Variants in TMEM52B observed in about 807,000 individuals in gnomAD.
The protein encoded by TMEM52B is transmembrane protein 52B.
A neutral mutation model predicts 16.1 loss-of-function variants in TMEM52B; 11 were observed. The ratio of observed to expected loss-of-function variants is 0.68; its 90% CI spans 0.43 to 1.13. The LOEUF (loss-of-function observed/expected upper bound fraction) is 1.13. Ranked by LOEUF, TMEM52B falls within the 50% of genes most tolerant of loss-of-function variation. TMEM52B has a pLI of 0.00. For missense variants in TMEM52B, 243 were observed against 230.4 expected (o/e 1.05, Z -0.35); for synonymous variants, 101 against 93.8 (o/e 1.08, Z -0.45).
chr12:10,185,925 C>T (rs1421217621), intron 3 of TMEM52B, among the ~76,000 whole-genome samples: 1 of 152,106 alleles, frequency 6.6e-6, no homozygotes, highest in East Asian at 1.9e-4. Context: ...CCTGTAATCC[C>T]AGCTACTCAG....
In TMEM52B at chr12:10,190,242, T is replaced by TTAA; in HGVS notation, c.*102_*103insTAA. 1 of 1,416,200 alleles carries TTAA rather than the reference T, an allele frequency of 7.1e-7. No individual in the cohort carries two copies. The highest frequency in any genetic ancestry group is 9.8e-7 in the Non-Finnish European group (1 of 1,024,394). 87.7% of individuals were successfully genotyped at this position (1,416,200 alleles called of 1,614,324 possible). A position where few individuals can be genotyped will look rare whatever the true frequency, so the allele number is the denominator to read the frequency against. On this transcript the variant is annotated 3_prime_UTR_variant, in exon 5 of 5. Transcript: ENST00000543484. ...CCCTCAGAAGTTTTAAGATGGCATC[T>TTAA]AACACCATCATTCTATGGGAAAGAT...
upstream of TMEM52B, among the ~76,000 whole-genome samples, chr12:10,178,643 AAGAGAGAG>A (rs141826102): frequency 6.7e-6 from 1 of 149,856 alleles, no homozygotes; most frequent in Non-Finnish European, 1.5e-5. Context: ...TCCTTAACCA[AAGAGAGAG>A]AGAGAGAGAG....
intron 2 of TMEM52B, among the ~76,000 whole-genome samples, chr12:10,183,187 G>A (rs2137550025): frequency 6.6e-6 from 1 of 152,242 alleles, no homozygotes; most frequent in South Asian, 2.1e-4. Context: ...GTGGCACTTT[G>A]AATAAAAACG....
rs35611297 is a variant in TMEM52B at position 10,173,520 on chromosome 12, C to T, written c.-95+2669C>T. 6.2e-3 allele frequency among the ~76,000 whole-genome samples: 912 copies of T among 147,516 alleles called. 7 individuals carry two copies. The highest frequency in any genetic ancestry group is 0.022 in the African/African-American group (869 of 38,884). ...GTTGGCCAGGTGCAGTGGCTCATGC[C>T]TGTAATCTCAGCACTTTGGGAAGCT... On this transcript the variant is annotated intron_variant, in intron 1 of 5. Transcript: ENST00000381923.
chr12:10,175,784 G>C (rs1591986673), upstream of TMEM52B, among the ~76,000 whole-genome samples: 2 of 152,314 alleles, frequency 1.3e-5, no homozygotes, highest in Admixed American at 1.3e-4. Context: ...CCTACCCACT[G>C]ACTTATAGTT....
chr12:10,185,705 C>T (rs1037005499), intron 3 of TMEM52B, among the ~76,000 whole-genome samples: 3 of 151,574 alleles, frequency 2.0e-5, no homozygotes, highest in Admixed American at 1.3e-4. Flanking sequence ...GCCAGGAGTT[C>T]GAGACCAGCC....
At chr12:10,177,878 A>G (rs143623961), upstream of TMEM52B, among the ~76,000 whole-genome samples, 74 of 151,454 alleles carry the variant, frequency 4.9e-4, no homozygotes, top group African/African-American at 1.8e-3. Flanking sequence ...TCATTCATAC[A>G]GCATTCTTTT....
At chr12:10,174,689 G>C (rs1948753209), upstream of TMEM52B, among the ~76,000 whole-genome samples, 1 of 152,116 alleles carries the variant, frequency 6.6e-6, no homozygotes, top group Non-Finnish European at 1.5e-5. Context: ...TTCTATGTAT[G>C]TACACAGCGT....
At chr12:10,178,098 G>A (rs1255032197), upstream of TMEM52B, among the ~76,000 whole-genome samples, 1 of 151,610 alleles carries the variant, frequency 6.6e-6, no homozygotes, top group Non-Finnish European at 1.5e-5. Flanking sequence ...GTTTCATCAT[G>A]TTCTCCAGGC....
At chr12:10,176,333 A>C (rs985874159), upstream of TMEM52B, among the ~76,000 whole-genome samples, 5 of 152,192 alleles carry the variant, frequency 3.3e-5, no homozygotes, top group Non-Finnish European at 7.3e-5. Context: ...GGTAGTAATA[A>C]TTCTAAGAAA....
chr12:10,185,367 T>C lies in TMEM52B; in HGVS notation c.136T>C (p.Trp46Arg), dbSNP rs780856456. Residue 46 changes from tryptophan (W) to arginine (R), a missense_variant and splice_region_variant, in exon 3 of 5, where the codon TGG becomes CGG. Coordinates refer to ENST00000543484, the MANE Select transcript of TMEM52B (RefSeq NM_001384896.1). The part of the protein sequence containing the change: ...TTDWVHLWYI[W>R]LLVVIGALLL... ...AGACTGGGTACATCTCTGGTATATA[T>C]GGTAAGTTTCACTTATAATACCCAG... 126 of 1,607,488 alleles carry C rather than the reference T, an allele frequency of 7.8e-5. No individual in the cohort carries two copies. The highest frequency in any genetic ancestry group is 9.8e-5 in the Non-Finnish European group (115 of 1,174,030).
At chr12:10,175,883 G>T (rs915923718), upstream of TMEM52B, among the ~76,000 whole-genome samples, 1 of 152,208 alleles carries the variant, frequency 6.6e-6, no homozygotes, top group Non-Finnish European at 1.5e-5. Context: ...CTTAGGCAAG[G>T]TCAAAAGGAG....
upstream of TMEM52B, among the ~76,000 whole-genome samples, chr12:10,178,448 A>C (rs939424534): frequency 2.7e-5 from 4 of 150,452 alleles, no homozygotes; most frequent in African/African-American, 9.8e-5. Flanking sequence ...GCATGAACCC[A>C]GGAGGCAGAG....
chr12:10,178,512 G>A (rs1948786074), upstream of TMEM52B, among the ~76,000 whole-genome samples: 1 of 120,298 alleles, frequency 8.3e-6, no homozygotes, highest in Non-Finnish European at 1.7e-5. Context: ...GACAGAGCAA[G>A]ACTCCGTCTC....
rs938228740 is a variant in TMEM52B at position 10,185,383 on chromosome 12, T to C, written c.137+15T>C. 2 of 1,594,748 alleles carry C rather than the reference T, an allele frequency of 1.3e-6. No homozygotes were observed. The highest frequency in any genetic ancestry group is 2.7e-5 in the African/African-American group (2 of 74,530). Reference sequence around the variant, plus strand: ...TGGTATATATGGTAAGTTTCACTTATAATACCCAGAAAGACACTGTATTCC... The same window carrying C: ...TGGTATATATGGTAAGTTTCACTTACAATACCCAGAAAGACACTGTATTCC... On this transcript the variant is annotated intron_variant, in intron 3 of 4. Transcript: ENST00000543484.
rs544656701 is a variant in TMEM52B at position 10,180,514 on chromosome 12, C to T, written c.54+886C>T. Among the ~76,000 whole-genome samples, 7 of 152,246 alleles carry T rather than the reference C, an allele frequency of 4.6e-5. No homozygotes were observed. In the East Asian group the frequency reaches 9.7e-4, roughly 21 times the overall value. ...ACCATGGTTGCGTAGAGGAAACACA[C>T]GCTTTTTCATCGTTAGTGGCCATTT... On this transcript the variant is annotated intron_variant, in intron 1 of 4. Transcript: ENST00000543484.
At chr12:10,176,564 G>T (rs549897026), upstream of TMEM52B, among the ~76,000 whole-genome samples, 9 of 152,264 alleles carry the variant, frequency 5.9e-5, no homozygotes, top group African/African-American at 2.2e-4. Flanking sequence ...AATATCAGGA[G>T]ACTAAAATGT....
chr12:10,179,697 A>G (rs1948800312), intron 1 of TMEM52B, 69 bp downstream of exon 1: 1 of 1,588,484 alleles, frequency 6.3e-7, no homozygotes, highest in East Asian at 2.2e-5. Flanking sequence ...GAAGAGTCTG[A>G]AAGGAAATGA....
intron 1 of TMEM52B, among the ~76,000 whole-genome samples, chr12:10,180,904 C>A (rs1948815029): frequency 6.6e-6 from 1 of 152,000 alleles, no homozygotes; most frequent in South Asian, 2.1e-4. Flanking sequence ...CTCCTGGGTT[C>A]AAGCGATTCT....
Sources: gnomAD v4.1 joint callset for allele counts (sites outside exome capture counted in the v4.1 genomes callset) on GRCh38, gnomAD v4.1.1 for gene constraint, MANE v1.5 for transcripts, NCBI Gene and HGNC (gene_info 2026-07-23, HGNC 2026-07-21) for gene names.